Variants in KIAA0825 observed in about 807,000 individuals in gnomAD.
KIAA0825 encodes the protein KIAA0825.
Under a neutral mutation model 147.6 loss-of-function variants are expected in KIAA0825, and 119 were observed. The ratio of observed to expected loss-of-function variants is 0.81; its 90% confidence interval spans 0.69 to 0.94. The LOEUF (loss-of-function observed/expected upper bound fraction) is 0.94. Among genes scored for constraint, KIAA0825 ranks in the 40% least tolerant of loss-of-function variants. KIAA0825 has a pLI of 0.00. For synonymous variants in KIAA0825, 470 were observed against 518.1 expected, an observed-to-expected ratio of 0.91 and a Z score of 1.26; for missense variants, 1,381 against 1,472.7, an observed-to-expected ratio of 0.94 and a Z score of 1.02.
chr5:94,297,874 G>C (rs1490008907), intron 20 of KIAA0825, among the ~76,000 whole-genome samples: 1 of 151,108 alleles, frequency 6.6e-6, no homozygotes, highest in African/African-American at 2.4e-5. Flanking sequence ...GGGATTACAG[G>C]CGTGAGCCAC....
chr5:94,353,171 T>C (rs960758279), intron 20 of KIAA0825, among the ~76,000 whole-genome samples: 2 of 152,284 alleles, frequency 1.3e-5, no homozygotes, highest in African/African-American at 2.4e-5. Context: ...AATTAGCTAC[T>C]TTTTTTAAAA....
intron 15 of KIAA0825, among the ~76,000 whole-genome samples, chr5:94,404,430 T>C (rs1435287990): frequency 6.6e-6 from 1 of 151,994 alleles, no homozygotes; most frequent in Non-Finnish European, 1.5e-5. Flanking sequence ...TCAGTTATAT[T>C]TTTTCCTTCC....
intron 15 of KIAA0825, chr5:94,416,423 G>T (rs1753473867): frequency 6.6e-6 from 1 of 152,024 alleles, no homozygotes; most frequent in Non-Finnish European, 1.5e-5. Flanking sequence ...TCCAAAGCAG[G>T]ATAAAAGAAA....
chr5:94,560,331 CA>C (rs1777325092), intron 2 of KIAA0825, among the ~76,000 whole-genome samples: 2 of 152,188 alleles, frequency 1.3e-5, no homozygotes, highest in Admixed American at 6.5e-5. Flanking sequence ...TTCAGAGGGC[CA>C]ACGAAAACTC....
intron 2 of KIAA0825, among the ~76,000 whole-genome samples, chr5:94,542,018 A>C (rs1472039320): frequency 1.3e-5 from 2 of 152,204 alleles, no homozygotes; most frequent in Non-Finnish European, 2.9e-5. Context: ...TTCTTTGTCA[A>C]TTATGTTTTT....
chr5:94,497,230 T>C (rs912777895), intron 5 of KIAA0825, among the ~76,000 whole-genome samples: 4 of 151,674 alleles, frequency 2.6e-5, no homozygotes, highest in African/African-American at 9.7e-5. Context: ...AGTATGGGGG[T>C]CAGGAGGTGA....
chr5:94,209,426 C>G (rs1048780012), intron 20 of KIAA0825, among the ~76,000 whole-genome samples: 5 of 152,120 alleles, frequency 3.3e-5, no homozygotes, highest in African/African-American at 1.2e-4. Context: ...GGTGAGACAT[C>G]AAATGCTTTG....
intron 12 of KIAA0825, among the ~76,000 whole-genome samples, chr5:94,456,634 G>A (rs1392617974): frequency 2.6e-5 from 4 of 152,074 alleles, no homozygotes; most frequent in Admixed American, 1.3e-4. Flanking sequence ...TTTAGCCTTC[G>A]TTTTCTCATT....
intron 20 of KIAA0825, among the ~76,000 whole-genome samples, chr5:94,178,642 A>G (rs1458834729): frequency 6.6e-6 from 1 of 152,014 alleles, no homozygotes; most frequent in Non-Finnish European, 1.5e-5. Flanking sequence ...ATCACACACA[A>G]ACAACATTTA....
intron 6 of KIAA0825, among the ~76,000 whole-genome samples, chr5:94,481,137 A>T (rs1444627369): frequency 1.3e-5 from 2 of 152,132 alleles, no homozygotes; most frequent in Non-Finnish European, 2.9e-5. Flanking sequence ...ACTGTAAAAT[A>T]TAGTTATTTG....
chr5:94,179,331 C>T (rs1769391510), intron 20 of KIAA0825, among the ~76,000 whole-genome samples: 1 of 151,976 alleles, frequency 6.6e-6, no homozygotes. Context: ...CAGACTGTGA[C>T]AAGGAATCTA....
In KIAA0825 at chr5:94,384,411, G is replaced by A. The variant is rs1407457857; in HGVS notation, c.3667C>T (p.Leu1223=). The change falls in exon 20 of 21, where the codon CTG becomes TTG. Residue 1223 remains leucine (L), a synonymous_variant. Coordinates refer to ENST00000682413, the MANE Select transcript of KIAA0825 (RefSeq NM_001145678.3). Reference sequence around the variant, plus strand: ...CTGAAGGTCATCTTATCCAGTCTCAGATAATTTGGCAGCAACTTTGCCCAA... The same window carrying A: ...CTGAAGGTCATCTTATCCAGTCTCAAATAATTTGGCAGCAACTTTGCCCAA... ...WNWAKLLPNY[L]RLDKMTFSVL... 6.4e-7 allele frequency: 1 copy of A among 1,551,962 alleles called. No homozygotes were observed. Among genetic ancestry groups the A allele is most frequent in the Admixed American group, 2.0e-5 (1 of 50,996 alleles).
intron 2 of KIAA0825, among the ~76,000 whole-genome samples, 191 bp from the exon 3 acceptor site, chr5:94,537,318 T>C (rs1201432347): frequency 6.6e-6 from 1 of 152,152 alleles, no homozygotes; most frequent in Non-Finnish European, 1.5e-5. Flanking sequence ...ATTATTTAAA[T>C]TTCATGAGGT....
chr5:94,435,374 G>A (rs907128810), intron 14 of KIAA0825, among the ~76,000 whole-genome samples: 1 of 147,282 alleles, frequency 6.8e-6, no homozygotes, highest in African/African-American at 2.5e-5. Flanking sequence ...TTATAAGTGA[G>A]AACATGTGGT....
At chr5:94,425,829 C>G (rs1413835587) in intron 14 of KIAA0825, among the ~76,000 whole-genome samples, 1 of 151,920 alleles carries the variant, frequency 6.6e-6, no homozygotes, top group African/African-American at 2.4e-5. Context: ...AAGATGATAG[C>G]TCATGGCATG....
intron 20 of KIAA0825, among the ~76,000 whole-genome samples, chr5:94,223,213 T>C (rs185247432): frequency 1.2e-4 from 19 of 152,332 alleles, no homozygotes; most frequent in Admixed American, 3.9e-4. Context: ...ATTTTTACCA[T>C]GTTACAATCC....
intron 20 of KIAA0825, among the ~76,000 whole-genome samples, chr5:94,227,329 T>C (rs1774276723): frequency 1.3e-5 from 2 of 151,682 alleles, no homozygotes; most frequent in African/African-American, 4.8e-5. Flanking sequence ...TTCTCACTCA[T>C]AGGTGGGAAT....
chr5:94,462,959 T>C (rs1166296980), intron 11 of KIAA0825, among the ~76,000 whole-genome samples: 1 of 151,850 alleles, frequency 6.6e-6, no homozygotes, highest in African/African-American at 2.4e-5. Context: ...TAGGTTAAAA[T>C]TTCATAGCAC....
intron 2 of KIAA0825, among the ~76,000 whole-genome samples, chr5:94,560,149 C>T (rs1255740157): frequency 6.6e-6 from 1 of 152,150 alleles, no homozygotes; most frequent in Non-Finnish European, 1.5e-5. Context: ...CCATCATAAC[C>T]CATTCTTGGC....
Sources: gnomAD v4.1 joint callset for allele counts (sites outside exome capture counted in the v4.1 genomes callset) on GRCh38, gnomAD v4.1.1 for gene constraint, MANE v1.5 for transcripts, NCBI Gene and HGNC (gene_info 2026-07-23, HGNC 2026-07-21) for gene names.